Variants in FRK observed in about 807,000 individuals in gnomAD.
The protein encoded by FRK is fyn related Src family tyrosine kinase.
In FRK, 51 loss-of-function variants were observed where a neutral mutation model predicts 56.4. The ratio of observed to expected loss-of-function variants is 0.90; its 90% CI spans 0.72 to 1.14. The LOEUF is 1.14. Among genes scored for constraint, FRK ranks in the 50% most tolerant of loss-of-function variants. The pLI, the probability that FRK is intolerant of heterozygous loss-of-function variation, is 0.00. For synonymous variants in FRK, 245 were observed against 217.9 expected, an observed-to-expected ratio of 1.12 and a Z score of -1.10; for missense variants, 570 against 601.4, an observed-to-expected ratio of 0.95 and a Z score of 0.55.
the FRK span, among the ~76,000 whole-genome samples, chr6:116,077,383 C>T: frequency 2.6e-4 from 39 of 152,296 alleles, no homozygotes; most frequent in African/African-American, 8.7e-4. Context: ...CCTTGATGGG[C>T]CCAGGGTTGC....
intron 1 of FRK, among the ~76,000 whole-genome samples, chr6:116,013,190 A>G (rs746597910): frequency 2.9e-4 from 44 of 152,162 alleles, no homozygotes; most frequent in Non-Finnish European, 5.6e-4. Flanking sequence ...GACTATTTAT[A>G]AAAGAATCTT....
At chr6:116,025,921 G>T (rs1315081733) in intron 1 of FRK, among the ~76,000 whole-genome samples, 3 of 152,096 alleles carry the variant, frequency 2.0e-5, no homozygotes, top group African/African-American at 7.2e-5. Flanking sequence ...TTCCTCATCT[G>T]AGTTAAACTG....
At chr6:116,012,549 A>G (rs1417516389) in intron 1 of FRK, among the ~76,000 whole-genome samples, 1 of 152,244 alleles carries the variant, frequency 6.6e-6, no homozygotes, top group African/African-American at 2.4e-5. Context: ...CCTCCCCAGC[A>G]TAAGGACAGA....
chr6:115,945,907 A>AG (rs35066774), intron 5 of FRK, among the ~76,000 whole-genome samples: 1 of 152,066 alleles, frequency 6.6e-6, no homozygotes, highest in Non-Finnish European at 1.5e-5. Context: ...TTGTTAGTAG[A>AG]GGGGGGTCAG....
chr6:116,066,208 A>T, the FRK span, among the ~76,000 whole-genome samples: 1 of 152,118 alleles, frequency 6.6e-6, no homozygotes, highest in Non-Finnish European at 1.5e-5. Flanking sequence ...GCTGCCAGCA[A>T]ATAAAAAGCA....
At chr6:115,996,356 C>T (rs527667827) in intron 2 of FRK, among the ~76,000 whole-genome samples, 1 of 152,186 alleles carries the variant, frequency 6.6e-6, no homozygotes, top group Admixed American at 6.5e-5. Flanking sequence ...TCGAATGACT[C>T]TGAAGATCTC....
rs1369062079 is a variant in FRK, at chr6:115,989,812, A to G, written c.466+14065T>C. On this transcript the variant is annotated intron_variant, in intron 2 of 7. Coordinates refer to ENST00000606080, the MANE Select transcript of FRK (RefSeq NM_002031.3). ...CTTTGTGTAAATACCCAGTAGTGGG[A>G]TTGCTCAGTCAAATAGTAGGTCTAT... is the stretch of plus-strand genomic sequence containing the variant. 2.0e-5 allele frequency among the ~76,000 whole-genome samples: 3 copies of G among 151,910 alleles called. 1 individual carries two copies. Among genetic ancestry groups the G allele is most frequent in the Admixed American group, 2.0e-4 (3 of 15,226 alleles).
intron 2 of FRK, among the ~76,000 whole-genome samples, chr6:115,984,396 T>G (rs534455541): frequency 6.6e-6 from 1 of 152,182 alleles, no homozygotes; most frequent in South Asian, 2.1e-4. Flanking sequence ...CAGTGAATTC[T>G]CACATCAGTC....
At chr6:116,006,159 C>T (rs1775239547) in intron 1 of FRK, among the ~76,000 whole-genome samples, 1 of 151,868 alleles carries the variant, frequency 6.6e-6, no homozygotes, top group South Asian at 2.1e-4. Flanking sequence ...ATGTTGAGAC[C>T]TATAATCGAT....
chr6:116,035,871 G>T (rs766434978), intron 1 of FRK, among the ~76,000 whole-genome samples: 37 of 151,992 alleles, frequency 2.4e-4, no homozygotes, highest in Non-Finnish European at 5.0e-4. Flanking sequence ...GAGAGAGATT[G>T]TTTGACACTT....
the FRK span, among the ~76,000 whole-genome samples, chr6:116,067,171 C>CATCTGCAG: frequency 2.0e-5 from 3 of 152,172 alleles, no homozygotes; most frequent in African/African-American, 7.2e-5. Flanking sequence ...CAGAGTAATG[C>CATCTGCAG]ATCTGCAGGC....
intron 2 of FRK, among the ~76,000 whole-genome samples, chr6:115,990,151 A>T (rs1774540790): frequency 6.6e-6 from 1 of 151,640 alleles, no homozygotes; most frequent in Non-Finnish European, 1.5e-5. Context: ...GATTGGTTTG[A>T]GTTCTTTATA....
chr6:116,029,281 T>C (rs1776213048), intron 1 of FRK, among the ~76,000 whole-genome samples: 1 of 152,158 alleles, frequency 6.6e-6, no homozygotes, highest in East Asian at 1.9e-4. Flanking sequence ...CTTTGTTTTG[T>C]TTATTTTCTG....
intron 2 of FRK, among the ~76,000 whole-genome samples, chr6:115,993,345 C>T (rs771700506): frequency 2.6e-5 from 4 of 151,810 alleles, no homozygotes; most frequent in South Asian, 4.1e-4. Flanking sequence ...AGTTTTGATA[C>T]GTAATGCTGT....
intron 3 of FRK, among the ~76,000 whole-genome samples, chr6:115,967,934 C>T (rs1383240318): frequency 6.6e-6 from 1 of 152,010 alleles, no homozygotes; most frequent in Non-Finnish European, 1.5e-5. Flanking sequence ...GGAAGTCAGG[C>T]ACCTCGTTGT....
intron 4 of FRK, among the ~76,000 whole-genome samples, chr6:115,959,965 A>G (rs551543973): frequency 1.0e-5 from 1 of 95,496 alleles, no homozygotes; most frequent in Non-Finnish European, 2.7e-5. Context: ...AAGTGAAAAT[A>G]AAAAAAAAAA....
At position 115,958,747 on chromosome 6, in the gene FRK, GAAAGAAAGAAAGAAAGAAAGA is replaced by G. The variant is rs1562257647; in HGVS notation, c.800-2158_800-2138del. Among the ~76,000 whole-genome samples the G allele has an allele frequency of 3.0e-4, 6 of 20,212 alleles. 1 individual carries two copies. The highest frequency in any genetic ancestry group is 1.1e-3 in the African/African-American group (6 of 5,652). 13.3% of individuals were successfully genotyped at this position (20,212 alleles called of 152,430 possible). On this transcript the variant is annotated intron_variant, in intron 4 of 7. Coordinates refer to ENST00000606080, the MANE Select transcript of FRK (RefSeq NM_002031.3). The stretch of plus-strand genomic sequence containing the variant: ...AGAAAGAAAGAAAGAAAGAAAGAAA[GAAAGAAAGAAAGAAAGAAAGA>G]GGGGGGGGAAGGAGAGAGAGAAAGA...
At chr6:116,088,916 C>T in the FRK span, among the ~76,000 whole-genome samples, 3 of 152,206 alleles carry the variant, frequency 2.0e-5, no homozygotes, top group Admixed American at 1.3e-4. Context: ...GGGAGCCCCA[C>T]ATTGACTGGA....
chr6:115,943,056 AAAG>A lies in FRK; in HGVS notation c.1267_1269del (p.Leu423del), dbSNP rs779562799. The A allele has an allele frequency of 2.1e-5, 34 of 1,613,050 alleles. No homozygotes were observed. The highest frequency in any genetic ancestry group is 2.8e-5 in the Non-Finnish European group (33 of 1,179,610). ...ATTTTGCCATAAGTAATGATTTCAT[AAAG>A]AAGGATTCCAAATGACCATACATCG... On this transcript the variant is annotated inframe_deletion, in exon 7 of 8. Transcript: ENST00000606080.
Sources: allele counts gnomAD v4.1 joint callset (sites outside exome capture counted in the v4.1 genomes callset), GRCh38; gene constraint gnomAD v4.1.1; transcripts MANE v1.5; gene names NCBI Gene and HGNC (gene_info 2026-07-23, HGNC 2026-07-21).